Variants in MTMR3 observed in about 807,000 individuals in gnomAD.
MTMR3 encodes myotubularin related protein 3, also known as phosphatidylinositol-3,5-bisphosphate 3-phosphatase MTMR3.
In MTMR3, 32 loss-of-function variants were observed where a neutral mutation model predicts 132.4. The observed-to-expected ratio is 0.24, with a 90% confidence interval of 0.18 to 0.32. The LOEUF is 0.32. Ranked by LOEUF, MTMR3 falls within the 10% of genes least tolerant of loss-of-function variation. MTMR3 has a pLI of 1.00. For missense variants in MTMR3, 1,216 were observed against 1,489.6 expected (o/e 0.82, Z 3.02); for synonymous variants, 556 against 550.3 (o/e 1.01, Z -0.14).
rs5997559 is a variant in MTMR3, at chr22:29,974,377, C to T, written c.3+3315C>T. On this transcript the variant is annotated intron_variant, in intron 3 of 19. Coordinates refer to ENST00000401950, the MANE Select transcript of MTMR3 (RefSeq NM_021090.4). Reference sequence around the variant, plus strand: ...ACCAGTCCCCTAGATTCAATGAATCCTAATGTTACGTCCTTGGGGATTAAA... The same window carrying T: ...ACCAGTCCCCTAGATTCAATGAATCTTAATGTTACGTCCTTGGGGATTAAA... 3.7e-3 allele frequency among the ~76,000 whole-genome samples: 565 copies of T among 152,256 alleles called. 2 individuals carry two copies. The highest frequency in any genetic ancestry group is 0.013 in the African/African-American group (535 of 41,550).
chr22:30,012,653 G>A (rs977301236), intron 13 of MTMR3, 90 bp downstream of exon 13: 14 of 1,341,218 alleles, frequency 1.0e-5, no homozygotes, highest in African/African-American at 5.9e-5. Flanking sequence ...GTGGTGATTC[G>A]GTTAAAGAAA....
At chr22:29,907,728 A>C (rs2065130726) in intron 1 of MTMR3, among the ~76,000 whole-genome samples, 1 of 152,182 alleles carries the variant, frequency 6.6e-6, no homozygotes, top group African/African-American at 2.4e-5. Context: ...CCTCCTTTGT[A>C]TTATTCATTC....
At position 29,940,459 on chromosome 22, in the gene MTMR3, AC is replaced by A. The variant is rs1441246508; in HGVS notation, c.-137-16576del. ...GCCCGCCTGCACCCAGGTGAAACAAACAGCCTTGTTGCTCACACAAAGCCTG... is the reference window on the plus strand; with the variant it reads ...GCCCGCCTGCACCCAGGTGAAACAAAAGCCTTGTTGCTCACACAAAGCCTG... On this transcript the variant is annotated intron_variant, in intron 1 of 19. Transcript: ENST00000401950. Among the ~76,000 whole-genome samples the A allele has an allele frequency of 4.0e-5, 6 of 149,816 alleles. No individual in the cohort carries two copies. The East Asian group carries it at 1.2e-3, about 29-fold the overall frequency.
chr22:30,025,740 A>C lies in MTMR3; in HGVS notation c.3536A>C (p.His1179Pro). 1 of 1,614,142 alleles carries C rather than the reference A, an allele frequency of 6.2e-7. No individual in the cohort carries two copies. Among genetic ancestry groups the C allele is most frequent in the South Asian group, 1.1e-5 (1 of 91,080 alleles). Reference protein sequence around the residue: ...RVCKSCYSSLHPTSSSIDLEL... With the variant: ...RVCKSCYSSLPPTSSSIDLEL... ...TGCAAGTCTTGCTATAGCAGCCTACATCCCACAAGCTCCAGCATTGACCTT... is the reference window on the plus strand; with the variant it reads ...TGCAAGTCTTGCTATAGCAGCCTACCTCCCACAAGCTCCAGCATTGACCTT... The change falls in exon 20 of 20, where the codon CAT (histidine) becomes CCT (proline). Residue 1179 changes from histidine (H) to proline (P), a missense_variant. His to Pro is a moderately conservative substitution (Grantham distance 77). Transcript: ENST00000401950.
intron 3 of MTMR3, among the ~76,000 whole-genome samples, chr22:29,976,213 G>A (rs2066626650): frequency 6.6e-6 from 1 of 151,768 alleles, no homozygotes; most frequent in Non-Finnish European, 1.5e-5. Context: ...CATGGTGGGA[G>A]ATGAGAGGTT....
chr22:30,015,507 TC>T, intron 14 of MTMR3: 1 of 59,546 alleles, frequency 1.7e-5, no homozygotes, highest in Non-Finnish European at 3.4e-5. Flanking sequence ...CCTCCCTCCC[TC>T]CCTCCTTCCC....
chr22:29,935,663 A>G (rs2145799227), intron 1 of MTMR3, among the ~76,000 whole-genome samples: 1 of 152,262 alleles, frequency 6.6e-6, no homozygotes, highest in East Asian at 1.9e-4. Flanking sequence ...TCTATTCCTC[A>G]GTTATGACTT....
At chr22:29,906,318 A>G (rs28523333) in intron 1 of MTMR3, among the ~76,000 whole-genome samples, 37 of 125,120 alleles carry the variant, frequency 3.0e-4, no homozygotes, top group African/African-American at 1.2e-3. Flanking sequence ...CTATCTATCT[A>G]TCTATCTATC....
chr22:29,991,290 G>A, intron 6 of MTMR3: 1 of 398,394 alleles, frequency 2.5e-6, no homozygotes, highest in Non-Finnish European at 4.4e-6. Context: ...TTTTCCAATG[G>A]TCAGCTTCCT....
chr22:30,009,520 G>T (rs2067358010), intron 12 of MTMR3: 1 of 167,490 alleles, frequency 6.0e-6, no homozygotes, highest in Non-Finnish European at 1.3e-5. Context: ...TTTTGAACTG[G>T]GATGTTTTAT....
chr22:29,896,076 G>T (rs1478719655), intron 1 of MTMR3, among the ~76,000 whole-genome samples: 1 of 152,208 alleles, frequency 6.6e-6, no homozygotes, highest in East Asian at 1.9e-4. Flanking sequence ...TTGGGAGGCG[G>T]AGGTGGGCAG....
intron 1 of MTMR3, among the ~76,000 whole-genome samples, chr22:29,910,425 C>T (rs1220733012): frequency 6.6e-6 from 1 of 152,158 alleles, no homozygotes; most frequent in African/African-American, 2.4e-5. Flanking sequence ...AGAGTGATTA[C>T]TCCTGAAACA....
chr22:29,943,609 G>T (rs371954273), intron 1 of MTMR3, among the ~76,000 whole-genome samples: 1 of 152,098 alleles, frequency 6.6e-6, no homozygotes, highest in East Asian at 1.9e-4. Context: ...GAGCTTGTCA[G>T]GGAAGGAAGG....
intron 1 of MTMR3, among the ~76,000 whole-genome samples, chr22:29,940,824 A>G (rs1440418968): frequency 6.7e-6 from 1 of 149,986 alleles, no homozygotes; most frequent in Admixed American, 6.6e-5. Flanking sequence ...CTTTCAAGGA[A>G]CCTCAGACTT....
Position 29,883,265 on chromosome 22 carries a change from C to T in MTMR3, c.-232C>T. On this transcript the variant is annotated 5_prime_UTR_variant, in exon 1 of 20. Transcript: ENST00000401950. ...AGCCGGACGAGACGTCCCAGCGGCTCAGGCGCTGCCCAGCGCCGGCCCTGG... is the reference window on the plus strand; with the variant it reads ...AGCCGGACGAGACGTCCCAGCGGCTTAGGCGCTGCCCAGCGCCGGCCCTGG... 1 of 153,888 alleles carries T rather than the reference C, an allele frequency of 6.5e-6. No homozygotes were observed. Among genetic ancestry groups the T allele is most frequent in the Non-Finnish European group, 1.4e-5 (1 of 69,030 alleles). The allele number at this position is 153,888 out of a possible 1,614,324, so 9.5% of individuals were successfully genotyped here.
chr22:30,022,757 G>T, intron 19 of MTMR3, 60 bp downstream of exon 19: 1 of 1,413,206 alleles, frequency 7.1e-7, no homozygotes. Flanking sequence ...TCGGCCCACA[G>T]AGCCTGCAGA....
At chr22:29,911,326 T>G (rs1416595398) in intron 1 of MTMR3, among the ~76,000 whole-genome samples, 1 of 152,108 alleles carries the variant, frequency 6.6e-6, no homozygotes, top group East Asian at 1.9e-4. Flanking sequence ...AGACGATTGC[T>G]TGAGCCCAGG....
At position 29,906,294 on chromosome 22, in the gene MTMR3, A is replaced by G. The variant is rs12159339; in HGVS notation, c.-138+22935A>G. Among the ~76,000 whole-genome samples, 195 of 92,000 alleles carry G rather than the reference A, an allele frequency of 2.1e-3. 2 individuals are homozygous for G. Among genetic ancestry groups the G allele is most frequent in the East Asian group, 7.2e-3 (31 of 4,312 alleles). 60.4% of individuals were successfully genotyped at this position (92,000 alleles called of 152,430 possible). Reference sequence around the variant, plus strand: ...TGTCTGTCTGTCTGTCTGTCTATCTATCTATCTATCTATCTATCTATCTAT... The same window carrying G: ...TGTCTGTCTGTCTGTCTGTCTATCTGTCTATCTATCTATCTATCTATCTAT... On this transcript the variant is annotated intron_variant, in intron 1 of 19. Coordinates refer to ENST00000401950, the MANE Select transcript of MTMR3 (RefSeq NM_021090.4).
intron 1 of MTMR3, among the ~76,000 whole-genome samples, chr22:29,896,860 A>G (rs915337127): frequency 1.2e-5 from 1 of 80,122 alleles, no homozygotes; most frequent in Non-Finnish European, 2.7e-5. Context: ...ACAGAATAAC[A>G]GGCTTGTCTC....
Sources: allele counts gnomAD v4.1 joint callset (sites outside exome capture counted in the v4.1 genomes callset), GRCh38; gene constraint gnomAD v4.1.1; transcripts MANE v1.5; gene names NCBI Gene and HGNC (gene_info 2026-07-23, HGNC 2026-07-21).